The following SOCS6 variants were observed in gnomAD, a reference collection of about 807,000 sequenced individuals.
The protein encoded by SOCS6 is suppressor of cytokine signaling 6.
SOCS6 carries 5 observed loss-of-function variants against 27.7 expected under a neutral mutation model. That is an observed-to-expected ratio of 0.18 (90% confidence interval 0.09 to 0.38). The LOEUF (loss-of-function observed/expected upper bound fraction) is 0.38, where lower values mean the gene tolerates loss of function less well. Among genes scored for constraint, SOCS6 ranks in the 10% least tolerant of loss-of-function variants. The pLI is 1.00. For missense variants in SOCS6, 595 were observed against 688.1 expected (o/e 0.86, Z 1.51); for synonymous variants, 271 against 260.0 (o/e 1.04, Z -0.41).
Position 70,325,935 on chromosome 18 carries a change from C to T in SOCS6, c.1267C>T (p.Arg423Cys), listed in dbSNP as rs750588082. ...DDRYLLSLSF[R>C]SHGKTLHTRI... ...CCGTTACCTTTTAAGCTTGAGCTTT[C>T]GCTCCCATGGTAAAACACTTCACAC... The change falls in exon 2 of 2, where the codon CGC (arginine) becomes TGC (cysteine). Residue 423 changes from arginine to cysteine, a missense_variant. Physicochemically the swap from Arg to Cys is radical, Grantham distance 180. Coordinates refer to ENST00000397942, the MANE Select transcript of SOCS6 (RefSeq NM_004232.4). This position sits in a 1 kb window ranked among gnomAD's most constrained non-coding sequence, Gnocchi z 6.3. 2.5e-6 allele frequency: 4 copies of T among 1,614,204 alleles called. No individual in the cohort carries two copies. The highest frequency in any genetic ancestry group is 4.5e-5 in the East Asian group (2 of 44,878).
chr18:70,299,130 A>G (rs188817090), intron 1 of SOCS6, among the ~76,000 whole-genome samples: 3 of 152,224 alleles, frequency 2.0e-5, no homozygotes, highest in East Asian at 1.9e-4. Context: ...CTTAAAAACA[A>G]AAAAAGAAAA....
chr18:70,324,585 A>G lies in SOCS6; in HGVS notation c.-84A>G, dbSNP rs1911113836. 3.3e-6 allele frequency: 3 copies of G among 905,466 alleles called. No homozygotes were observed. The highest frequency in any genetic ancestry group is 1.7e-6 in the Non-Finnish European group (1 of 591,154). 56.1% of individuals were successfully genotyped at this position (905,466 alleles called of 1,614,324 possible). The stretch of plus-strand genomic sequence containing the variant: ...TAAATGAAGCAGGAAAAATACATAG[A>G]TGCAGCCTTGCAGCCTCTCCAGATG... On this transcript the variant is annotated 5_prime_UTR_variant, in exon 2 of 2. The change abolishes an upstream ATG in the 5' untranslated region. Coordinates refer to ENST00000397942, the MANE Select transcript of SOCS6 (RefSeq NM_004232.4).
In SOCS6 at chr18:70,326,261, G is replaced by A. The variant is rs1357599026; in HGVS notation, c.1593G>A (p.Gln531=). The A allele has an allele frequency of 3.1e-6, 5 of 1,612,270 alleles. No individual in the cohort carries two copies. The East Asian group carries it at 6.7e-5, about 22-fold the overall frequency. ...PLPNKMKDYL[Q]EKHY is the part of the protein sequence containing the mutation. ...CAAACAAAATGAAGGATTATTTACA[G>A]GAGAAGCACTACTGAAAGATTGAGA... Residue 531 remains glutamine (Q), a synonymous_variant, in exon 2 of 2, where the codon CAG becomes CAA. Coordinates refer to ENST00000397942, the MANE Select transcript of SOCS6 (RefSeq NM_004232.4).
At chr18:70,319,451 C>T (rs1014542020) in intron 1 of SOCS6, among the ~76,000 whole-genome samples, 2 of 151,974 alleles carry the variant, frequency 1.3e-5, no homozygotes, top group Non-Finnish European at 1.5e-5. Context: ...TCATCATAAT[C>T]CTGAAACATC....
chr18:70,301,957 T>C (rs1023281738), intron 1 of SOCS6, among the ~76,000 whole-genome samples: 1 of 152,148 alleles, frequency 6.6e-6, no homozygotes, highest in African/African-American at 2.4e-5. Context: ...GGCTTTGGTG[T>C]GGGTGTCAGA....
chr18:70,324,937 A>G lies in SOCS6; in HGVS notation c.269A>G (p.Lys90Arg). Residue 90 changes from lysine to arginine, a missense_variant, in exon 2 of 2, where the codon AAG becomes AGG. By Grantham distance (26) the Lys-to-Arg change is conservative (BLOSUM62 2). This residue lies in a region of SOCS6 where 467 missense variants were observed against 481.1 expected (regional missense o/e 0.97). Transcript: ENST00000397942. ...TCTGCAAAACAGAAGTCAAAAGGCA[A>G]GGCGGGCACACCCTCTGGGAGCTCT... Reference protein sequence around the residue: ...RLSAKQKSKGKAGTPSGSSAD... With the variant: ...RLSAKQKSKGRAGTPSGSSAD... 1 of 1,614,232 alleles carries G rather than the reference A, an allele frequency of 6.2e-7. No homozygotes were observed.
chr18:70,325,011 G>A lies in SOCS6; in HGVS notation c.343G>A (p.Asp115Asn), dbSNP rs752043193. Residue 115 changes from aspartate (D) to asparagine (N), a missense_variant, in exon 2 of 2, where the codon GAC becomes AAC. Asp to Asn is a conservative substitution (Grantham distance 23, BLOSUM62 1). Coordinates refer to ENST00000397942, the MANE Select transcript of SOCS6 (RefSeq NM_004232.4). The surrounding 1 kb of genome is among the most constrained non-coding windows in gnomAD (Gnocchi z 6.3). ...CTCCTCAGCACCCATAGTCTTTAAA[G>A]ACGTGAGAGCTCAGAGGCCGATAAG... ...SSSSAPIVFK[D>N]VRAQRPIRST... 45 of 1,613,744 alleles carry A rather than the reference G, an allele frequency of 2.8e-5. No homozygotes were observed. Among genetic ancestry groups the A allele is most frequent in the Non-Finnish European group, 3.7e-5 (44 of 1,179,920 alleles).
intron 1 of SOCS6, among the ~76,000 whole-genome samples, chr18:70,320,871 C>G (rs12962853): frequency 0.054 from 8,175 of 152,188 alleles, 273 homozygotes; most frequent in South Asian, 0.079. Context: ...TTTAGTCAGG[C>G]AGAAGAGATT....
intron 1 of SOCS6, among the ~76,000 whole-genome samples, chr18:70,311,048 C>T (rs907509662): frequency 1.3e-5 from 2 of 152,148 alleles, no homozygotes; most frequent in East Asian, 3.9e-4. Flanking sequence ...GGAGCAGCAG[C>T]AGAAGTAGCA....
At chr18:70,298,192 C>T (rs927127502) in intron 1 of SOCS6, among the ~76,000 whole-genome samples, 3 of 151,946 alleles carry the variant, frequency 2.0e-5, no homozygotes, top group African/African-American at 7.2e-5. Context: ...ACTATTAAAA[C>T]ACTTTGCTAC....
At chr18:70,291,276 G>GT (rs1418249492) in intron 1 of SOCS6, among the ~76,000 whole-genome samples, 2 of 152,052 alleles carry the variant, frequency 1.3e-5, no homozygotes, top group Non-Finnish European at 2.9e-5. Flanking sequence ...CTGGCTGATT[G>GT]TTTTTTGGAG....
At chr18:70,318,957 G>GAA (rs1910876302) in intron 1 of SOCS6, among the ~76,000 whole-genome samples, 1 of 151,586 alleles carries the variant, frequency 6.6e-6, no homozygotes. Context: ...GAAAAGAAAA[G>GAA]AAAAAAGAGA....
rs147761007 is a variant in SOCS6, at chr18:70,304,187, G to A, written c.-127+15097G>A. On this transcript the variant is annotated intron_variant, in intron 1 of 1. Coordinates refer to ENST00000397942, the MANE Select transcript of SOCS6 (RefSeq NM_004232.4). ...AAATGGAGAAACTTCTGATCCTCAG[G>A]TACTAGAAAAAGAATAAAAAGTCAA... 2.6e-3 allele frequency among the ~76,000 whole-genome samples: 400 copies of A among 152,030 alleles called. 3 individuals carry two copies. Among genetic ancestry groups the A allele is most frequent in the African/African-American group, 9.4e-3 (388 of 41,462 alleles).
intron 1 of SOCS6, among the ~76,000 whole-genome samples, chr18:70,300,048 T>C (rs2062341456): frequency 6.6e-6 from 1 of 152,218 alleles, no homozygotes; most frequent in Non-Finnish European, 1.5e-5. Flanking sequence ...TTGGCATATA[T>C]ATTTACTACT....
chr18:70,326,449 G>A lies in SOCS6; in HGVS notation c.*173G>A, dbSNP rs1317299607. The A allele has an allele frequency of 3.8e-5, 23 of 607,266 alleles. No homozygotes were observed. The highest frequency in any genetic ancestry group is 6.8e-5 in the Admixed American group (2 of 29,308). 37.6% of individuals were successfully genotyped at this position (607,266 alleles called of 1,614,324 possible). A position where few individuals can be genotyped will look rare whatever the true frequency, so the allele number is the denominator to read the frequency against. On this transcript the variant is annotated 3_prime_UTR_variant, in exon 2 of 2. Transcript: ENST00000397942. The stretch of plus-strand genomic sequence containing the variant: ...GGGAAGTGTCAGCAAGGTGTCTTGG[G>A]TTTATTTTGGTTCTTTAAAAAAGGG...
In SOCS6 at chr18:70,320,117, T is replaced by C. The variant is rs1399092326; in HGVS notation, c.-126-4426T>C. 4.6e-5 allele frequency among the ~76,000 whole-genome samples: 7 copies of C among 151,886 alleles called. No homozygotes were observed. The South Asian group carries it at 1.5e-3, about 32-fold the overall frequency. ...AGTGATTCTCCTTCAGCCTCCAGAG[T>C]AGCTGGGATTATAGGTGTGAGCCAT... On this transcript the variant is annotated intron_variant, in intron 1 of 1. Transcript: ENST00000397942.
At chr18:70,290,653 C>G (rs2062294825) in intron 1 of SOCS6, among the ~76,000 whole-genome samples, 1 of 152,206 alleles carries the variant, frequency 6.6e-6, no homozygotes, top group Non-Finnish European at 1.5e-5. Flanking sequence ...GGTTCGTGGA[C>G]AGTGGATTTG....
At chr18:70,309,034 A>G (rs1262585281) in intron 1 of SOCS6, among the ~76,000 whole-genome samples, 2 of 152,218 alleles carry the variant, frequency 1.3e-5, no homozygotes, top group Non-Finnish European at 2.9e-5. Flanking sequence ...GAGTGACATC[A>G]GCAAACTTTT....
intron 1 of SOCS6, among the ~76,000 whole-genome samples, chr18:70,295,743 A>G (rs1320506849): frequency 6.6e-6 from 1 of 152,224 alleles, no homozygotes; most frequent in East Asian, 1.9e-4. Flanking sequence ...TTTTAGAGCT[A>G]GAAGGAACTG....
Sources: allele counts gnomAD v4.1 joint callset (sites outside exome capture counted in the v4.1 genomes callset), GRCh38; gene constraint gnomAD v4.1.1; regional missense constraint gnomAD v4.1.1; non-coding constraint Gnocchi (gnomAD v3.1); transcripts MANE v1.5; gene names NCBI Gene and HGNC (gene_info 2026-07-23, HGNC 2026-07-21).